Variants in MTF2 observed in about 807,000 individuals in gnomAD.
MTF2 encodes metal response element binding transcription factor 2, also known as metal-response element-binding transcription factor 2.
A neutral mutation model predicts 79.5 loss-of-function variants in MTF2; 11 were observed. The ratio of observed to expected loss-of-function variants is 0.14; its 90% CI spans 0.09 to 0.23. The LOEUF is 0.23. Among genes scored for constraint, MTF2 ranks in the 10% least tolerant of loss-of-function variants. The pLI is 1.00. For synonymous variants in MTF2, 208 were observed against 232.8 expected, an observed-to-expected ratio of 0.89 and a Z score of 0.97; for missense variants, 486 against 711.2, an observed-to-expected ratio of 0.68 and a Z score of 3.60.
At chr1:93,134,883 G>T (rs1391876413) in intron 14 of MTF2, among the ~76,000 whole-genome samples, 1 of 149,960 alleles carries the variant, frequency 6.7e-6, no homozygotes, top group Non-Finnish European at 1.5e-5. Context: ...TCCATAAAAT[G>T]ATTTTAAACT....
intron 6 of MTF2, 25 bp downstream of exon 6, chr1:93,115,643 C>A: frequency 6.8e-7 from 1 of 1,474,006 alleles, no homozygotes; most frequent in Non-Finnish European, 9.1e-7. Flanking sequence ...TTATGTAATT[C>A]CCTTTAAGTA....
At chr1:93,120,773 T>G in intron 9 of MTF2, 101 bp downstream of exon 9, 1 of 1,509,970 alleles carries the variant, frequency 6.6e-7, no homozygotes, top group Non-Finnish European at 8.8e-7. Flanking sequence ...GTCAGACAAC[T>G]AAAATAGAAT....
At chr1:93,081,577 A>G (rs1457410128) in intron 1 of MTF2, among the ~76,000 whole-genome samples, 1 of 152,108 alleles carries the variant, frequency 6.6e-6, no homozygotes, top group Non-Finnish European at 1.5e-5. Flanking sequence ...CCTGTTCTTC[A>G]GGAAAATTTG....
chr1:93,120,817 T>G, intron 9 of MTF2, 145 bp downstream of exon 9: 3 of 1,402,240 alleles, frequency 2.1e-6, no homozygotes, highest in Non-Finnish European at 2.8e-6. Flanking sequence ...ATAAGTTTGG[T>G]ATGGATATCA....
At chr1:93,116,259 T>C (rs1656245057) in intron 6 of MTF2, among the ~76,000 whole-genome samples, 1 of 151,956 alleles carries the variant, frequency 6.6e-6, no homozygotes, top group South Asian at 2.1e-4. Context: ...TAAAGACAGG[T>C]TCTTGCTACC....
intron 6 of MTF2, among the ~76,000 whole-genome samples, chr1:93,116,946 G>A (rs1656271636): frequency 6.6e-6 from 1 of 152,152 alleles, no homozygotes; most frequent in African/African-American, 2.4e-5. Context: ...GCCATCTTAG[G>A]TGGGCACGGT....
chr1:93,085,578 C>G (rs1244576022), intron 1 of MTF2, among the ~76,000 whole-genome samples: 5 of 151,852 alleles, frequency 3.3e-5, no homozygotes, highest in Non-Finnish European at 7.4e-5. Flanking sequence ...CCTCAAACTC[C>G]CGGGCTCAAG....
At chr1:93,135,116 G>A (rs533005391) in intron 14 of MTF2, among the ~76,000 whole-genome samples, 141 of 151,998 alleles carry the variant, frequency 9.3e-4, no homozygotes, top group Non-Finnish European at 1.7e-3. Flanking sequence ...ATTTACAGGC[G>A]TGCGCCACCA....
At chr1:93,132,129 A>G (rs1390349977) in intron 11 of MTF2, among the ~76,000 whole-genome samples, 3 of 152,150 alleles carry the variant, frequency 2.0e-5, no homozygotes, top group Non-Finnish European at 4.4e-5. Context: ...AGGCTTGTAC[A>G]GAGAGGGGAA....
chr1:93,123,816 CTT>C (rs78978620), intron 9 of MTF2, among the ~76,000 whole-genome samples: 12 of 110,492 alleles, frequency 1.1e-4, no homozygotes, highest in Middle Eastern at 4.9e-3. Flanking sequence ...ATTTTAAAGA[CTT>C]TTTTTTTTTT....
chr1:93,096,035 G>A (rs1364614389), intron 1 of MTF2, among the ~76,000 whole-genome samples: 1 of 152,140 alleles, frequency 6.6e-6, no homozygotes, highest in Non-Finnish European at 1.5e-5. Flanking sequence ...TTGAGGTTCT[G>A]TAGAGCAAAG....
At chr1:93,101,088 T>C (rs1655510315) in intron 1 of MTF2, among the ~76,000 whole-genome samples, 2 of 152,224 alleles carry the variant, frequency 1.3e-5, no homozygotes, top group Non-Finnish European at 1.5e-5. Context: ...GAGGAATGGA[T>C]TGGGAAGAAT....
At chr1:93,125,819 A>G (rs2101083813) in intron 9 of MTF2, among the ~76,000 whole-genome samples, 1 of 152,220 alleles carries the variant, frequency 6.6e-6, no homozygotes, top group Non-Finnish European at 1.5e-5. Flanking sequence ...TAATAATTGC[A>G]TTCAGATATT....
intron 6 of MTF2, among the ~76,000 whole-genome samples, chr1:93,116,236 AT>A (rs11362921): frequency 0.72 from 108,421 of 150,534 alleles, 39,784 homozygotes; most frequent in East Asian, 0.95. Flanking sequence ...TTTAAAAAGT[AT>A]TTTTTTTTTT....
intron 1 of MTF2, among the ~76,000 whole-genome samples, chr1:93,089,256 G>A (rs1654973417): frequency 6.6e-6 from 1 of 152,126 alleles, no homozygotes; most frequent in Non-Finnish European, 1.5e-5. Context: ...TTTAATTCTA[G>A]ATAAATACAT....
chr1:93,129,873 G>A (rs753853242), intron 11 of MTF2, among the ~76,000 whole-genome samples: 1 of 152,158 alleles, frequency 6.6e-6, no homozygotes, highest in Non-Finnish European at 1.5e-5. Flanking sequence ...GGTTTACAAA[G>A]GTGATAAGTA....
At chr1:93,104,171 C>T (rs377635148) in intron 1 of MTF2, among the ~76,000 whole-genome samples, 64 of 147,640 alleles carry the variant, frequency 4.3e-4, no homozygotes, top group South Asian at 2.3e-3. Context: ...AATTCCTAGG[C>T]TCAAGTGATC....
intron 3 of MTF2, among the ~76,000 whole-genome samples, chr1:93,113,375 A>G (rs67262037): frequency 0.088 from 13,387 of 152,092 alleles, 678 homozygotes; most frequent in African/African-American, 0.13. Context: ...GCAAGACCCT[A>G]TCTGAGGGGA....
chr1:93,136,387 G>A lies in MTF2; in HGVS notation c.1425-283G>A, dbSNP rs144694087. The stretch of plus-strand genomic sequence containing the variant: ...ATTTATGAGTAGGGCCTCTTCGTAA[G>A]AATTTTCCTTGTTGGCCTCCTAAGT... On this transcript the variant is annotated intron_variant, in intron 14 of 14. Transcript: ENST00000370298. Among the ~76,000 whole-genome samples, 871 of 152,266 alleles carry A rather than the reference G, an allele frequency of 5.7e-3. 12 individuals are homozygous for A. The highest frequency in any genetic ancestry group is 0.02 in the African/African-American group (836 of 41,548).
Sources: allele counts gnomAD v4.1 joint callset (sites outside exome capture counted in the v4.1 genomes callset), GRCh38; gene constraint gnomAD v4.1.1; transcripts MANE v1.5; gene names NCBI Gene and HGNC (gene_info 2026-07-23, HGNC 2026-07-21).